Variants in NRG3 observed in about 807,000 individuals in gnomAD.
The protein encoded by NRG3 is pro-neuregulin-3, membrane-bound isoform.
A neutral mutation model predicts 66.9 loss-of-function variants in NRG3; 31 were observed. The ratio of observed to expected loss-of-function variants is 0.46; its 90% CI spans 0.35 to 0.63. The LOEUF (loss-of-function observed/expected upper bound fraction) is 0.63, where lower values mean the gene tolerates loss of function less well. Ranked by LOEUF, NRG3 falls within the 20% of genes least tolerant of loss-of-function variation. The probability of loss-of-function intolerance (pLI) is 0.00; values close to 1 mark genes in which losing one functional copy is unlikely to be tolerated. For missense variants in NRG3, 910 were observed against 878.9 expected (o/e 1.04, Z -0.45); for synonymous variants, 393 against 359.4 (o/e 1.09, Z -1.06).
At chr10:82,252,928 C>A (rs1404151831) in intron 1 of NRG3, among the ~76,000 whole-genome samples, 1 of 152,172 alleles carries the variant, frequency 6.6e-6, no homozygotes, top group Non-Finnish European at 1.5e-5. Context: ...AAGACTAGAA[C>A]ATCGCCCAAA....
chr10:81,965,138 T>G (rs1316386846), intron 1 of NRG3, among the ~76,000 whole-genome samples: 1 of 152,210 alleles, frequency 6.6e-6, no homozygotes, highest in Non-Finnish European at 1.5e-5. Context: ...TGCTGAAGTA[T>G]TAAAGGTCCA....
rs146238870 is a variant in NRG3, at chr10:82,071,264, A to G, written c.823+195101A>G. Among the ~76,000 whole-genome samples the G allele has an allele frequency of 8.5e-4, 130 of 152,320 alleles. 1 individual carries two copies. In the Middle Eastern group the frequency reaches 0.014, roughly 16 times the overall value. On this transcript the variant is annotated intron_variant, in intron 1 of 8. Coordinates refer to ENST00000372141, the MANE Select transcript of NRG3 (RefSeq NM_001010848.4). The stretch of plus-strand genomic sequence containing the variant: ...CTAGAGAACCAAATGATTCAATGAC[A>G]ATGAGTAAAGCATGTTTTGCATCAG...
At chr10:82,700,497 G>A (rs2055779566) in intron 2 of NRG3, among the ~76,000 whole-genome samples, 1 of 152,296 alleles carries the variant, frequency 6.6e-6, no homozygotes, top group East Asian at 1.9e-4. Context: ...AAGAATTGCA[G>A]CTAGGTTTTG....
chr10:82,495,048 C>T (rs1011202753), intron 2 of NRG3, among the ~76,000 whole-genome samples: 1 of 151,964 alleles, frequency 6.6e-6, no homozygotes, highest in Non-Finnish European at 1.5e-5. Flanking sequence ...TCAAGCAATT[C>T]TCCTGCCTCA....
intron 2 of NRG3, among the ~76,000 whole-genome samples, chr10:82,463,145 C>CCT: frequency 6.6e-6 from 1 of 152,134 alleles, no homozygotes; most frequent in Non-Finnish European, 1.5e-5. Flanking sequence ...ACTGGCTTGC[C>CCT]CTCTGAGCAC....
chr10:82,269,108 A>G (rs1336274), intron 1 of NRG3, among the ~76,000 whole-genome samples: 16,267 of 152,104 alleles, frequency 0.11, 1,032 homozygotes, highest in Non-Finnish European at 0.15. Flanking sequence ...GAGAAATTCA[A>G]TGTATAAATC....
At chr10:82,411,719 C>T (rs918097537) in intron 2 of NRG3, among the ~76,000 whole-genome samples, 17 of 151,922 alleles carry the variant, frequency 1.1e-4, no homozygotes, top group African/African-American at 3.1e-4. Context: ...TAAGATGCTC[C>T]GGGGTCAGAA....
intron 8 of NRG3, among the ~76,000 whole-genome samples, chr10:82,979,617 T>A (rs543036970): frequency 1.3e-5 from 2 of 152,294 alleles, no homozygotes; most frequent in East Asian, 3.9e-4. Flanking sequence ...ACTGAACTCA[T>A]ATATGCAAGT....
chr10:82,256,911 A>G (rs2077757656), intron 1 of NRG3, among the ~76,000 whole-genome samples: 1 of 152,172 alleles, frequency 6.6e-6, no homozygotes, highest in South Asian at 2.1e-4. Context: ...CTCTCTAGGA[A>G]ATGACTTCCT....
chr10:82,761,323 T>A (rs2059295951), intron 3 of NRG3, among the ~76,000 whole-genome samples: 1 of 151,982 alleles, frequency 6.6e-6, no homozygotes, highest in Non-Finnish European at 1.5e-5. Flanking sequence ...AGTAATATCT[T>A]CAAGAAAATA....
chr10:82,221,550 A>G (rs1224281475), intron 1 of NRG3, among the ~76,000 whole-genome samples: 1 of 152,208 alleles, frequency 6.6e-6, no homozygotes, highest in African/African-American at 2.4e-5. Flanking sequence ...AAATTGAGAG[A>G]TGATTCCACA....
chr10:82,950,316 TAGA>T (rs1315271518), intron 4 of NRG3, among the ~76,000 whole-genome samples: 1 of 152,168 alleles, frequency 6.6e-6, no homozygotes, highest in East Asian at 1.9e-4. Context: ...ATGACCTGTA[TAGA>T]AGGTCTGAGA....
At chr10:82,850,476 T>C (rs1386144933) in intron 3 of NRG3, among the ~76,000 whole-genome samples, 2 of 151,566 alleles carry the variant, frequency 1.3e-5, no homozygotes, top group African/African-American at 4.9e-5. Context: ...GAACTCATCT[T>C]GGATTCACCA....
intron 3 of NRG3, among the ~76,000 whole-genome samples, chr10:82,843,075 T>C (rs949973039): frequency 1.3e-5 from 2 of 152,200 alleles, no homozygotes; most frequent in Non-Finnish European, 2.9e-5. Flanking sequence ...TAATTGACTA[T>C]AGATAACTGA....
chr10:82,959,897 A>T lies in NRG3; in HGVS notation c.1284+822A>T, dbSNP rs138558395. Among the ~76,000 whole-genome samples, 602 of 152,320 alleles carry T rather than the reference A, an allele frequency of 4.0e-3. 5 individuals carry two copies. The highest frequency in any genetic ancestry group is 0.014 in the African/African-American group (581 of 41,568). ...AATTAAAGCAAGAGAATTCTGTGTA[A>T]TACATGCAGATATATTCCTCTTAGG... is the stretch of plus-strand genomic sequence containing the variant. On this transcript the variant is annotated intron_variant, in intron 6 of 8. Coordinates refer to ENST00000372141, the MANE Select transcript of NRG3 (RefSeq NM_001010848.4).
At chr10:82,489,371 A>G (rs1222727588) in intron 2 of NRG3, among the ~76,000 whole-genome samples, 1 of 152,200 alleles carries the variant, frequency 6.6e-6, no homozygotes, top group Non-Finnish European at 1.5e-5. Context: ...TTCTGTAGGC[A>G]GTTTTCTGGA....
intron 2 of NRG3, among the ~76,000 whole-genome samples, chr10:82,636,660 G>A (rs2050217918): frequency 6.6e-6 from 1 of 152,146 alleles, no homozygotes; most frequent in Non-Finnish European, 1.5e-5. Flanking sequence ...TGGACACTCA[G>A]GTTATTTCCA....
intron 3 of NRG3, among the ~76,000 whole-genome samples, chr10:82,814,076 T>C (rs1301098792): frequency 6.6e-6 from 1 of 152,236 alleles, no homozygotes; most frequent in Non-Finnish European, 1.5e-5. Flanking sequence ...CCATTATCTT[T>C]GCAGGCTTTA....
chr10:82,237,287 C>T (rs892180664), intron 1 of NRG3, among the ~76,000 whole-genome samples: 1 of 152,134 alleles, frequency 6.6e-6, no homozygotes, highest in Non-Finnish European at 1.5e-5. Flanking sequence ...GTAAATCTTT[C>T]TGCCTCTGTT....
Sources: allele counts gnomAD v4.1 joint callset (sites outside exome capture counted in the v4.1 genomes callset), GRCh38; gene constraint gnomAD v4.1.1; transcripts MANE v1.5; gene names NCBI Gene and HGNC (gene_info 2026-07-23, HGNC 2026-07-21).